ZDHHC11B: variants seen among roughly 807,000 people sequenced by gnomAD.
ZDHHC11B encodes the protein zDHHC palmitoyltransferase 11B (putative).
A neutral mutation model predicts 42.3 loss-of-function variants in ZDHHC11B; 17 were observed. The observed-to-expected ratio is 0.40, with a 90% CI of 0.27 to 0.60. The LOEUF (loss-of-function observed/expected upper bound fraction) is 0.60, where lower values mean the gene tolerates loss of function less well. Ranked by LOEUF, ZDHHC11B falls within the 20% of genes least tolerant of loss-of-function variation. ZDHHC11B has a pLI of 0.41. For missense variants in ZDHHC11B, 262 were observed against 463.2 expected, an observed-to-expected ratio of 0.57 and a Z score of 3.99; for synonymous variants, 123 against 193.5, an observed-to-expected ratio of 0.64 and a Z score of 3.02.
chr5:750,737 C>A (rs1392351791), intron 7 of ZDHHC11B, among the ~76,000 whole-genome samples: 2 of 127,640 alleles, frequency 1.6e-5, no homozygotes, highest in African/African-American at 5.2e-5. Flanking sequence ...AGCGCTGCCT[C>A]CACTCTCCCT....
At chr5:761,731 G>A (rs1479140451) in intron 4 of ZDHHC11B, among the ~76,000 whole-genome samples, 1 of 151,842 alleles carries the variant, frequency 6.6e-6, no homozygotes, top group Non-Finnish European at 1.5e-5. Context: ...GCACACTCAG[G>A]GCCTCTCAGA....
At chr5:770,483 C>T in intron 1 of ZDHHC11B, among the ~76,000 whole-genome samples, 1 of 151,082 alleles carries the variant, frequency 6.6e-6, no homozygotes, top group African/African-American at 2.4e-5. Flanking sequence ...AGAGCCTATT[C>T]CGGGTCCCCT....
Position 711,492 on chromosome 5 carries a change from C to CATTTCCCAGTACTGTGCTCAT in ZDHHC11B, c.*777_*797dup, listed in dbSNP as rs1424338390. The stretch of plus-strand genomic sequence containing the variant: ...CCTATTTCCCAGTGCCATGTGCTTC[C>CATTTCCCAGTACTGTGCTCAT]ATTTCCCAGTACTGTGCTCATATTT... On this transcript the variant is annotated 3_prime_UTR_variant, in exon 14 of 14. Transcript: ENST00000508859. The CATTTCCCAGTACTGTGCTCAT allele has an allele frequency of 2.0e-5, 3 of 149,070 alleles. No homozygotes were observed. Among genetic ancestry groups the CATTTCCCAGTACTGTGCTCAT allele is most frequent in the African/African-American group, 7.7e-5 (3 of 38,710 alleles). 9.2% of individuals were successfully genotyped at this position (149,070 alleles called of 1,614,324 possible).
At chr5:720,188 G>C (rs1742078692) in intron 12 of ZDHHC11B, among the ~76,000 whole-genome samples, 2 of 151,772 alleles carry the variant, frequency 1.3e-5, no homozygotes, top group African/African-American at 4.9e-5. Context: ...ATTCCAAGCA[G>C]GCTATATGCC....
chr5:744,162 C>T (rs1744480066), intron 9 of ZDHHC11B, among the ~76,000 whole-genome samples: 2 of 149,906 alleles, frequency 1.3e-5, no homozygotes, highest in African/African-American at 4.9e-5. Context: ...GCACTGCTCA[C>T]CCCTGGAGTG....
chr5:759,677 G>A (rs1227021357), intron 4 of ZDHHC11B, among the ~76,000 whole-genome samples: 4 of 151,940 alleles, frequency 2.6e-5, no homozygotes, highest in Non-Finnish European at 5.9e-5. Context: ...ACACGCGGCC[G>A]CTGGACGGTT....
chr5:775,573 G>A (rs56330102), intron 1 of ZDHHC11B, among the ~76,000 whole-genome samples: 23,054 of 150,214 alleles, frequency 0.15, 2,205 homozygotes, highest in Non-Finnish European at 0.23. Flanking sequence ...CAGGAGCCCC[G>A]CGTGCTTCTG....
At chr5:770,584 C>T (rs1375797619) in intron 1 of ZDHHC11B, among the ~76,000 whole-genome samples, 3 of 151,982 alleles carry the variant, frequency 2.0e-5, no homozygotes, top group African/African-American at 4.8e-5. Context: ...GGGTCTGTGA[C>T]GTGCTGCCTT....
chr5:734,223 C>T (rs1481097360), intron 10 of ZDHHC11B, among the ~76,000 whole-genome samples: 8 of 137,206 alleles, frequency 5.8e-5, no homozygotes, highest in Admixed American at 1.4e-4. Context: ...ATACTGTGGC[C>T]TTTCACTCCA....
At chr5:780,356 G>C (rs1240393407) in intron 1 of ZDHHC11B, among the ~76,000 whole-genome samples, 1 of 150,796 alleles carries the variant, frequency 6.6e-6, no homozygotes, top group Non-Finnish European at 1.5e-5. Context: ...CCTGCTGACA[G>C]TATGGTGGTC....
chr5:715,764 T>C (rs1239211454), intron 13 of ZDHHC11B, among the ~76,000 whole-genome samples: 1 of 151,272 alleles, frequency 6.6e-6, no homozygotes, highest in Admixed American at 6.6e-5. Flanking sequence ...TTTCACAGGA[T>C]TTACACAGAA....
intron 12 of ZDHHC11B, among the ~76,000 whole-genome samples, chr5:728,182 T>C (rs570854379): frequency 6.6e-6 from 1 of 151,996 alleles, no homozygotes; most frequent in East Asian, 1.9e-4. Context: ...TCATTAGTAA[T>C]AAGGAAAATG....
At chr5:773,877 C>A (rs1468490923) in intron 1 of ZDHHC11B, among the ~76,000 whole-genome samples, 1 of 151,856 alleles carries the variant, frequency 6.6e-6, no homozygotes, top group African/African-American at 2.4e-5. Context: ...TGCCTACGGG[C>A]TCACCCACAG....
chr5:725,101 A>G (rs1250823549), intron 12 of ZDHHC11B, among the ~76,000 whole-genome samples: 2 of 151,346 alleles, frequency 1.3e-5, no homozygotes, highest in Admixed American at 6.6e-5. Context: ...CAGCTCCCGA[A>G]TGTGGGACCC....
intron 13 of ZDHHC11B, among the ~76,000 whole-genome samples, chr5:714,298 G>A (rs1370288516): frequency 7.1e-6 from 1 of 140,372 alleles, no homozygotes; most frequent in Non-Finnish European, 1.5e-5. Flanking sequence ...GTACTTTCTG[G>A]GATTATGTAA....
chr5:716,922 A>T, intron 12 of ZDHHC11B, 57 bp from the exon 13 acceptor site: 1 of 1,610,436 alleles, frequency 6.2e-7, no homozygotes, highest in Non-Finnish European at 8.5e-7. Flanking sequence ...AATACTTGTT[A>T]TACTGCCAAA....
At position 712,726 on chromosome 5, in the gene ZDHHC11B, G is replaced by A. The variant is rs868315355; in HGVS notation, c.*8-444C>T. On this transcript the variant is annotated intron_variant, in intron 13 of 13. Transcript: ENST00000508859. ...AGATCGAGACCTTCCTGGCTAATAC[G>A]GTGAAACCCCGTCTCTACTAAAAAT... Among the ~76,000 whole-genome samples the A allele has an allele frequency of 7.9e-3, 1,190 of 150,450 alleles. 5 individuals carry two copies. Among genetic ancestry groups the A allele is most frequent in the Non-Finnish European group, 0.012 (790 of 67,134 alleles).
intron 13 of ZDHHC11B, among the ~76,000 whole-genome samples, chr5:713,585 TA>T (rs1178206580): frequency 6.6e-6 from 1 of 152,046 alleles, no homozygotes; most frequent in Non-Finnish European, 1.5e-5. Context: ...GAAGGTTTGT[TA>T]CTCAGAAGGA....
intron 12 of ZDHHC11B, among the ~76,000 whole-genome samples, chr5:719,328 C>T (rs1381530859): frequency 6.6e-6 from 1 of 151,606 alleles, no homozygotes; most frequent in African/African-American, 2.4e-5. Flanking sequence ...TAAACTATGT[C>T]TGTGAAAGCT....
Sources: allele counts gnomAD v4.1 joint callset (sites outside exome capture counted in the v4.1 genomes callset), GRCh38; gene constraint gnomAD v4.1.1; transcripts MANE v1.5; gene names NCBI Gene and HGNC (gene_info 2026-07-23, HGNC 2026-07-21).